Variants in RAD51B observed in about 807,000 individuals in gnomAD.
RAD51B encodes DNA repair protein RAD51 homolog 2.
In RAD51B, 38 loss-of-function variants were observed where a neutral mutation model predicts 42.2. That is an observed-to-expected ratio of 0.90 (90% CI 0.70 to 1.18). RAD51B has a LOEUF of 1.18. Among genes scored for constraint, RAD51B ranks in the 50% most tolerant of loss-of-function variants. RAD51B has a pLI of 0.00. For synonymous variants in RAD51B, 154 were observed against 145.2 expected (o/e 1.06, Z -0.43); for missense variants, 373 against 400.7 (o/e 0.93, Z 0.59).
intron 7 of RAD51B, among the ~76,000 whole-genome samples, chr14:67,952,438 A>G (rs1238563525): frequency 6.6e-6 from 1 of 152,200 alleles, no homozygotes; most frequent in Non-Finnish European, 1.5e-5. Flanking sequence ...ACACTCTGAC[A>G]ATGTACATGA....
At chr14:68,214,388 A>G (rs896099395) in intron 7 of RAD51B, among the ~76,000 whole-genome samples, 3 of 152,166 alleles carry the variant, frequency 2.0e-5, no homozygotes, top group Non-Finnish European at 2.9e-5. Flanking sequence ...AACCAAGCCA[A>G]TGGAGCACTC....
chr14:68,020,064 T>A (rs1458294899), intron 7 of RAD51B, among the ~76,000 whole-genome samples: 2 of 152,166 alleles, frequency 1.3e-5, no homozygotes, highest in African/African-American at 4.8e-5. Flanking sequence ...AGAGGAAAAT[T>A]ACCAGATCAT....
intron 10 of RAD51B, among the ~76,000 whole-genome samples, chr14:68,579,881 A>G (rs898003445): frequency 6.6e-5 from 10 of 152,186 alleles, no homozygotes; most frequent in Admixed American, 5.9e-4. Context: ...TGCAGCAGAG[A>G]CTCAGTGTGG....
chr14:68,032,906 T>C (rs1411601206), intron 7 of RAD51B, among the ~76,000 whole-genome samples: 2 of 151,026 alleles, frequency 1.3e-5, no homozygotes, highest in African/African-American at 4.9e-5. Flanking sequence ...GATCTCTTAT[T>C]TCAGCTTTTC....
intron 8 of RAD51B, among the ~76,000 whole-genome samples, chr14:68,318,727 C>G (rs981901817): frequency 1.1e-4 from 16 of 152,152 alleles, no homozygotes; most frequent in Admixed American, 3.3e-4. Flanking sequence ...CACTGTTGGG[C>G]CTTGCCCCTT....
intron 10 of RAD51B, among the ~76,000 whole-genome samples, chr14:68,584,883 T>C (rs1890381244): frequency 6.6e-6 from 1 of 152,174 alleles, no homozygotes; most frequent in South Asian, 2.1e-4. Flanking sequence ...TTTCTGAACA[T>C]GAGGAAACCG....
chr14:68,590,930 T>C (rs1172020424), intron 10 of RAD51B, among the ~76,000 whole-genome samples: 1 of 152,066 alleles, frequency 6.6e-6, no homozygotes, highest in East Asian at 1.9e-4. Context: ...CCCATGAAGT[T>C]CTCACTAGGC....
At chr14:68,072,387 A>G (rs1479464106) in intron 7 of RAD51B, among the ~76,000 whole-genome samples, 1 of 151,868 alleles carries the variant, frequency 6.6e-6, no homozygotes, top group African/African-American at 2.4e-5. Flanking sequence ...TCCAAGTCCC[A>G]AAACTGAAGA....
intron 8 of RAD51B, among the ~76,000 whole-genome samples, chr14:68,384,708 G>A (rs1347930223): frequency 6.6e-6 from 1 of 152,148 alleles, no homozygotes; most frequent in African/African-American, 2.4e-5. Context: ...TGCAAGTTAT[G>A]CCCCTTTTTA....
chr14:68,562,372 C>G, intron 10 of RAD51B: 1 of 985,394 alleles, frequency 1.0e-6, no homozygotes, highest in Non-Finnish European at 1.2e-6. Flanking sequence ...ACCAAAGGCT[C>G]TTGAGCAAAT....
intron 8 of RAD51B, among the ~76,000 whole-genome samples, chr14:68,340,693 A>G (rs914794601): frequency 6.6e-6 from 1 of 152,112 alleles, no homozygotes; most frequent in Non-Finnish European, 1.5e-5. Flanking sequence ...CTTTTTTCCT[A>G]TTAACCTGCC....
intron 9 of RAD51B, among the ~76,000 whole-genome samples, chr14:68,454,224 G>T (rs1198790727): frequency 6.6e-6 from 1 of 152,140 alleles, no homozygotes; most frequent in Non-Finnish European, 1.5e-5. Flanking sequence ...TGAATAGGGG[G>T]AGATAACCAA....
chr14:68,309,960 A>T (rs114996628), intron 8 of RAD51B, among the ~76,000 whole-genome samples: 2,273 of 152,360 alleles, frequency 0.015, 55 homozygotes, highest in African/African-American at 0.051. Context: ...CTAGGATGGC[A>T]CATGTAAATT....
chr14:68,333,453 G>A (rs542903186), intron 8 of RAD51B, among the ~76,000 whole-genome samples: 1 of 152,294 alleles, frequency 6.6e-6, no homozygotes, highest in African/African-American at 2.4e-5. Context: ...AGACGAAACT[G>A]GTAAAGCCAC....
At chr14:68,051,724 A>G (rs1201727850) in intron 7 of RAD51B, among the ~76,000 whole-genome samples, 1 of 152,008 alleles carries the variant, frequency 6.6e-6, no homozygotes, top group South Asian at 2.1e-4. Flanking sequence ...TCAGCCTCCC[A>G]AGTAGCTAGG....
At chr14:67,961,880 C>A (rs1247101316) in intron 7 of RAD51B, among the ~76,000 whole-genome samples, 1 of 152,140 alleles carries the variant, frequency 6.6e-6, no homozygotes, top group Non-Finnish European at 1.5e-5. Context: ...CTGACTACAG[C>A]AGAAAACTAT....
chr14:67,825,426 A>G, intron 2 of RAD51B, 38 bp from the exon 3 acceptor site: 1 of 1,423,384 alleles, frequency 7.0e-7, no homozygotes, highest in Non-Finnish European at 9.8e-7. Flanking sequence ...TCTTTGTTAC[A>G]CATATATGTT....
chr14:68,191,418 T>A (rs975898498), intron 7 of RAD51B, among the ~76,000 whole-genome samples: 2 of 152,152 alleles, frequency 1.3e-5, no homozygotes, highest in African/African-American at 4.8e-5. Flanking sequence ...TAAGAAAGTG[T>A]CTAAGAACTA....
intron 10 of RAD51B, among the ~76,000 whole-genome samples, chr14:68,521,549 A>C (rs1474896870): frequency 6.6e-6 from 1 of 152,254 alleles, no homozygotes; most frequent in Non-Finnish European, 1.5e-5. Context: ...TGTATGAATA[A>C]TGTTTAACCA....
Sources: gnomAD v4.1 joint callset for allele counts (sites outside exome capture counted in the v4.1 genomes callset) on GRCh38, gnomAD v4.1.1 for gene constraint, MANE v1.5 for transcripts, NCBI Gene and HGNC (gene_info 2026-07-23, HGNC 2026-07-21) for gene names.